Variants in SLIT3 observed in about 807,000 individuals in gnomAD.
SLIT3 encodes the protein slit guidance ligand 3, also known as slit homolog 3 protein.
A neutral mutation model predicts 184.0 loss-of-function variants in SLIT3; 68 were observed. The ratio of observed to expected loss-of-function variants is 0.37; its 90% CI spans 0.30 to 0.45. The LOEUF is 0.45. SLIT3 is among the 20% of genes least tolerant of loss of function. The pLI is 1.00. For synonymous variants in SLIT3, 831 were observed against 828.6 expected, an observed-to-expected ratio of 1.00 and a Z score of -0.05; for missense variants, 1,707 against 2,026.0, an observed-to-expected ratio of 0.84 and a Z score of 3.02.
intron 20 of SLIT3, among the ~76,000 whole-genome samples, chr5:168,737,124 A>C (rs898423109): frequency 6.6e-6 from 1 of 152,104 alleles, no homozygotes; most frequent in Admixed American, 6.5e-5. Flanking sequence ...AATTTCCTGG[A>C]TTCCTCTCTT....
intron 8 of SLIT3, 58 bp from the exon 9 acceptor site, chr5:168,806,645 C>G (rs1581102378): frequency 1.7e-5 from 28 of 1,602,792 alleles, no homozygotes; most frequent in Non-Finnish European, 2.4e-5. Context: ...GCCTGGGCTT[C>G]TGTGTCCTTA....
At chr5:169,073,468 T>A (rs908483889) in intron 4 of SLIT3, among the ~76,000 whole-genome samples, 1 of 151,954 alleles carries the variant, frequency 6.6e-6, no homozygotes, top group African/African-American at 2.4e-5. Flanking sequence ...ATTCTCTGGG[T>A]CTTGGTGGGA....
intron 5 of SLIT3, among the ~76,000 whole-genome samples, chr5:168,870,837 G>C (rs762106397): frequency 1.3e-5 from 2 of 152,172 alleles, no homozygotes; most frequent in South Asian, 2.1e-4. Context: ...TGAAGCACCA[G>C]AGTTTCTCAG....
In SLIT3 at chr5:168,683,428, T is replaced by C. The variant is rs936213182; in HGVS notation, c.3686+538A>G. Among the ~76,000 whole-genome samples, 7 of 150,490 alleles carry C rather than the reference T, an allele frequency of 4.7e-5. No homozygotes were observed. In the South Asian group the frequency reaches 1.1e-3, roughly 23 times the overall value. ...TTGAAAGTTGCTGTAAGGCAGCATC[T>C]GAAGTGAAAGTCCAGCTGCCACACC... is the stretch of plus-strand genomic sequence containing the variant. On this transcript the variant is annotated intron_variant, in intron 32 of 35. Coordinates refer to ENST00000519560, the MANE Select transcript of SLIT3 (RefSeq NM_003062.4).
At chr5:169,121,921 C>G (rs1014515019) in intron 4 of SLIT3, among the ~76,000 whole-genome samples, 6 of 152,224 alleles carry the variant, frequency 3.9e-5, no homozygotes, top group African/African-American at 1.4e-4. Flanking sequence ...CACCGCCCAA[C>G]ACTCCAATTT....
intron 4 of SLIT3, among the ~76,000 whole-genome samples, chr5:169,139,951 A>C (rs946206661): frequency 5.9e-5 from 9 of 152,228 alleles, no homozygotes; most frequent in Non-Finnish European, 1.0e-4. Context: ...CTGTAAGTGC[A>C]GCTAACATGC....
At chr5:168,979,274 G>T (rs1754871042) in intron 4 of SLIT3, among the ~76,000 whole-genome samples, 1 of 152,226 alleles carries the variant, frequency 6.6e-6, no homozygotes, top group South Asian at 2.1e-4. Flanking sequence ...ACAGGCCTGT[G>T]TTGGGGCCCG....
At chr5:169,018,834 C>T (rs1283892967) in intron 4 of SLIT3, 3 of 152,194 alleles carry the variant, frequency 2.0e-5, no homozygotes, top group African/African-American at 4.8e-5. Context: ...CCTTTTCCTT[C>T]TGTTTTGACT....
chr5:168,827,432 G>A (rs1305675913), intron 6 of SLIT3, among the ~76,000 whole-genome samples: 2 of 152,104 alleles, frequency 1.3e-5, no homozygotes, highest in African/African-American at 2.4e-5. Context: ...GTTACTCAAC[G>A]ATTTTTTAAA....
At position 168,665,729 on chromosome 5, in the gene SLIT3, C is replaced by G. The variant is rs1370007310; in HGVS notation, c.*725G>C. 1 of 149,158 alleles carries G rather than the reference C, an allele frequency of 6.7e-6. No individual in the cohort carries two copies. Among genetic ancestry groups the G allele is most frequent in the Non-Finnish European group, 1.5e-5 (1 of 68,544 alleles). 9.2% of individuals were successfully genotyped at this position (149,158 alleles called of 1,614,324 possible). A position where few individuals can be genotyped will look rare whatever the true frequency, so the allele number is the denominator to read the frequency against. On this transcript the variant is annotated 3_prime_UTR_variant, in exon 36 of 36. Transcript: ENST00000519560. The stretch of plus-strand genomic sequence containing the variant: ...TGGGTTCAGATACGGAAGCCAGGGC[C>G]ACCCAGGAAGGAGAAGAGGGGTCCC...
At chr5:169,037,545 G>A (rs1339272055) in intron 4 of SLIT3, 1 of 152,254 alleles carries the variant, frequency 6.6e-6, no homozygotes, top group Non-Finnish European at 1.5e-5. Flanking sequence ...ACACTGACTT[G>A]ACACATGACA....
At chr5:168,741,599 G>C (rs572310462) in intron 20 of SLIT3, among the ~76,000 whole-genome samples, 2 of 152,146 alleles carry the variant, frequency 1.3e-5, no homozygotes, top group East Asian at 3.9e-4. Context: ...CACAATTGCT[G>C]CTCTCAGGGA....
At chr5:169,184,878 T>C (rs1763283244) in intron 4 of SLIT3, among the ~76,000 whole-genome samples, 1 of 152,226 alleles carries the variant, frequency 6.6e-6, no homozygotes, top group Non-Finnish European at 1.5e-5. Context: ...GGTGTTCAGA[T>C]ACATACTAAA....
In SLIT3 at chr5:168,864,957, C is replaced by A. The variant is rs564144488; in HGVS notation, c.485+18308G>T. ...CCGAGGCGGGTGGATCACCTGAGGTCAGGAGTTCAAGACCAGCCTGGCCAA... is the reference window on the plus strand; with the variant it reads ...CCGAGGCGGGTGGATCACCTGAGGTAAGGAGTTCAAGACCAGCCTGGCCAA... On this transcript the variant is annotated intron_variant, in intron 5 of 35. Coordinates refer to ENST00000519560, the MANE Select transcript of SLIT3 (RefSeq NM_003062.4). Among the ~76,000 whole-genome samples the A allele has an allele frequency of 2.6e-5, 4 of 152,214 alleles. No individual in the cohort carries two copies. In the East Asian group the frequency reaches 5.8e-4, roughly 22 times the overall value.
intron 4 of SLIT3, among the ~76,000 whole-genome samples, chr5:168,884,708 A>G (rs1277220099): frequency 6.6e-6 from 1 of 151,520 alleles, no homozygotes; most frequent in African/African-American, 2.4e-5. Flanking sequence ...ATGGTTGTAT[A>G]TCGTCCAATT....
chr5:168,884,547 G>GATATATATATATATATATAT (rs1491371300), intron 4 of SLIT3, among the ~76,000 whole-genome samples: 1 of 9,312 alleles, frequency 1.1e-4, no homozygotes, highest in African/African-American at 5.1e-4. Flanking sequence ...TACCAATTAC[G>GATATATATATATATATATAT]AGATATATAT....
chr5:168,894,341 C>T (rs1204410812), intron 4 of SLIT3, among the ~76,000 whole-genome samples: 1 of 152,138 alleles, frequency 6.6e-6, no homozygotes, highest in African/African-American at 2.4e-5. Flanking sequence ...AGGCCTGATG[C>T]ATAGCTTTAA....
At chr5:168,908,382 C>A (rs1057215244) in intron 4 of SLIT3, among the ~76,000 whole-genome samples, 2 of 151,984 alleles carry the variant, frequency 1.3e-5, no homozygotes, top group Non-Finnish European at 2.9e-5. Flanking sequence ...GTTTGGTCTG[C>A]GGAAGAGTGA....
chr5:169,194,013 C>T (rs575764387), intron 3 of SLIT3, among the ~76,000 whole-genome samples: 1 of 152,148 alleles, frequency 6.6e-6, no homozygotes, highest in African/African-American at 2.4e-5. Context: ...GCAGGCAGAT[C>T]ATGAGGTCAA....
Sources: gnomAD v4.1 joint callset for allele counts (sites outside exome capture counted in the v4.1 genomes callset) on GRCh38, gnomAD v4.1.1 for gene constraint, MANE v1.5 for transcripts, NCBI Gene and HGNC (gene_info 2026-07-23, HGNC 2026-07-21) for gene names.